LUZP2: variants seen among roughly 807,000 people sequenced by gnomAD.
The protein encoded by LUZP2 is leucine zipper protein 2.
Under a neutral mutation model 51.6 loss-of-function variants are expected in LUZP2, and 52 were observed. The ratio of observed to expected loss-of-function variants is 1.01; its 90% CI spans 0.81 to 1.27. The LOEUF is 1.27. Ranked by LOEUF, LUZP2 falls within the 50% of genes most tolerant of loss-of-function variation. The pLI, the probability that LUZP2 is intolerant of heterozygous loss-of-function variation, is 0.00. For missense variants in LUZP2, 436 were observed against 395.4 expected, an observed-to-expected ratio of 1.10 and a Z score of -0.87; for synonymous variants, 154 against 137.3, an observed-to-expected ratio of 1.12 and a Z score of -0.85.
intron 5 of LUZP2, among the ~76,000 whole-genome samples, chr11:24,798,028 A>G: frequency 6.6e-6 from 1 of 151,996 alleles, no homozygotes; most frequent in Admixed American, 6.6e-5. Flanking sequence ...ATAATAATCG[A>G]GTTTGGTTTT....
At chr11:24,579,528 G>T (rs527725041) in intron 1 of LUZP2, among the ~76,000 whole-genome samples, 3 of 152,102 alleles carry the variant, frequency 2.0e-5, no homozygotes, top group Admixed American at 2.0e-4. Context: ...ATTGCTTATG[G>T]TTTCAACTTT....
chr11:24,836,332 T>G (rs1389518331), intron 5 of LUZP2, among the ~76,000 whole-genome samples: 1 of 151,922 alleles, frequency 6.6e-6, no homozygotes, highest in Non-Finnish European at 1.5e-5. Context: ...CTTTAAAATT[T>G]TTTTATCCCA....
chr11:24,899,580 G>C (rs1815410411), intron 5 of LUZP2, among the ~76,000 whole-genome samples: 5 of 151,954 alleles, frequency 3.3e-5, no homozygotes, highest in Admixed American at 3.3e-4. Flanking sequence ...TATATACAAA[G>C]TCTCAAGAAA....
chr11:24,608,216 G>C (rs988697675), intron 1 of LUZP2, among the ~76,000 whole-genome samples: 1 of 152,128 alleles, frequency 6.6e-6, no homozygotes, highest in African/African-American at 2.4e-5. Flanking sequence ...TCTCTGTCCT[G>C]TATTCACCTT....
chr11:24,905,281 T>C (rs1006771493), intron 5 of LUZP2, among the ~76,000 whole-genome samples: 1 of 152,130 alleles, frequency 6.6e-6, no homozygotes, highest in Non-Finnish European at 1.5e-5. Context: ...ATCCCAGCAC[T>C]TTGTGAGGCC....
chr11:24,654,777 G>A (rs981511828), intron 1 of LUZP2, among the ~76,000 whole-genome samples: 6 of 151,574 alleles, frequency 4.0e-5, no homozygotes, highest in African/African-American at 1.2e-4. Context: ...CACCCGCTTC[G>A]GCCTCCAAAA....
At chr11:24,657,885 T>C (rs1855865917) in intron 1 of LUZP2, among the ~76,000 whole-genome samples, 1 of 152,124 alleles carries the variant, frequency 6.6e-6, no homozygotes, top group Non-Finnish European at 1.5e-5. Flanking sequence ...AAGAACCTCT[T>C]CAAGGAGAAC....
At chr11:24,820,989 A>G (rs1405072335) in intron 5 of LUZP2, among the ~76,000 whole-genome samples, 1 of 152,156 alleles carries the variant, frequency 6.6e-6, no homozygotes, top group Non-Finnish European at 1.5e-5. Context: ...GCAGATAATC[A>G]GTGGATCTGA....
intron 5 of LUZP2, among the ~76,000 whole-genome samples, chr11:24,852,054 A>T (rs1851410959): frequency 6.6e-6 from 1 of 152,014 alleles, no homozygotes; most frequent in African/African-American, 2.4e-5. Context: ...TAATCTTTTC[A>T]AAACCAGCTT....
chr11:24,901,239 G>C (rs1853272196), intron 5 of LUZP2, among the ~76,000 whole-genome samples: 2 of 151,936 alleles, frequency 1.3e-5, no homozygotes, highest in Non-Finnish European at 2.9e-5. Flanking sequence ...GAGGCCAGAT[G>C]CTTCATATTG....
intron 4 of LUZP2, among the ~76,000 whole-genome samples, chr11:24,744,108 G>A (rs1859286003): frequency 6.6e-6 from 1 of 152,174 alleles, no homozygotes; most frequent in Admixed American, 6.6e-5. Context: ...GTTGGATTCA[G>A]TTAGTTCGTA....
intron 5 of LUZP2, among the ~76,000 whole-genome samples, chr11:24,791,708 C>T (rs1468289880): frequency 6.6e-6 from 1 of 151,976 alleles, no homozygotes; most frequent in African/African-American, 2.4e-5. Context: ...GAATAAATAA[C>T]TTACCAGTTA....
chr11:24,698,258 C>T (rs1857309472), intron 1 of LUZP2, among the ~76,000 whole-genome samples: 1 of 152,162 alleles, frequency 6.6e-6, no homozygotes, highest in Non-Finnish European at 1.5e-5. Flanking sequence ...TCAGCCTACC[C>T]TCCAAAAATG....
chr11:24,761,141 T>G (rs1452959590), intron 4 of LUZP2, among the ~76,000 whole-genome samples: 3 of 152,178 alleles, frequency 2.0e-5, no homozygotes, highest in East Asian at 3.9e-4. Context: ...CTGGGTAATT[T>G]ATAAAGAAAA....
At chr11:24,579,706 T>C (rs1852782121) in intron 1 of LUZP2, among the ~76,000 whole-genome samples, 1 of 151,778 alleles carries the variant, frequency 6.6e-6, no homozygotes, top group South Asian at 2.1e-4. Flanking sequence ...TATTGAGCAG[T>C]AGTTAAGTGT....
At chr11:24,739,075 A>G (rs1407813052) in intron 4 of LUZP2, among the ~76,000 whole-genome samples, 2 of 152,108 alleles carry the variant, frequency 1.3e-5, no homozygotes, top group Non-Finnish European at 2.9e-5. Context: ...CACTGAAAAC[A>G]TAGCTTATTT....
chr11:24,819,422 G>A (rs1788263056), intron 5 of LUZP2, among the ~76,000 whole-genome samples: 1 of 152,076 alleles, frequency 6.6e-6, no homozygotes, highest in South Asian at 2.1e-4. Flanking sequence ...ACAGCTACTT[G>A]TAGCCTCAAA....
At position 24,678,075 on chromosome 11, in the gene LUZP2, AGGGGGG is replaced by A. The variant is rs71041788; in HGVS notation, c.63-51087_63-51082del. Among the ~76,000 whole-genome samples the A allele has an allele frequency of 3.0e-4, 21 of 69,724 alleles. 1 individual carries two copies. The highest frequency in any genetic ancestry group is 5.8e-4 in the Non-Finnish European group (21 of 36,252). The allele number at this position is 69,724 out of a possible 152,430, so 45.7% of individuals were successfully genotyped here. A position where few individuals can be genotyped will look rare whatever the true frequency, so the allele number is the denominator to read the frequency against. On this transcript the variant is annotated intron_variant, in intron 1 of 11. Coordinates refer to ENST00000336930, the MANE Select transcript of LUZP2 (RefSeq NM_001009909.4). The stretch of plus-strand genomic sequence containing the variant: ...AGAAAGAAAAGGGAGGAAAGGAGAA[AGGGGGG>A]GGGGGGTGATTACTACGTAGCTATG...
intron 1 of LUZP2, among the ~76,000 whole-genome samples, chr11:24,566,144 T>TC (rs1487189703): frequency 4.0e-5 from 6 of 151,818 alleles, no homozygotes; most frequent in African/African-American, 1.4e-4. Flanking sequence ...TCAAGGGGCC[T>TC]AAATATTGTG....
Sources: gnomAD v4.1 joint callset for allele counts (sites outside exome capture counted in the v4.1 genomes callset) on GRCh38, gnomAD v4.1.1 for gene constraint, MANE v1.5 for transcripts, NCBI Gene and HGNC (gene_info 2026-07-23, HGNC 2026-07-21) for gene names.